CLEC2B: variants seen among roughly 807,000 people sequenced by gnomAD.
The protein encoded by CLEC2B is C-type lectin domain family 2 member B.
A neutral mutation model predicts 16.2 loss-of-function variants in CLEC2B; 14 were observed. The ratio of observed to expected loss-of-function variants is 0.86; its 90% CI spans 0.57 to 1.35. CLEC2B has a LOEUF of 1.35. Among genes scored for constraint, CLEC2B ranks in the 40% most tolerant of loss-of-function variants. The pLI, the probability that CLEC2B is intolerant of heterozygous loss-of-function variation, is 0.00. For synonymous variants in CLEC2B, 42 were observed against 55.8 expected (o/e 0.75, Z 1.10); for missense variants, 166 against 182.3 (o/e 0.91, Z 0.52).
chr12:9,854,521 C>A, intron 3 of CLEC2B, 37 bp from the exon 4 acceptor site: 1 of 1,362,156 alleles, frequency 7.3e-7, no homozygotes, highest in Non-Finnish European at 1.1e-6. Context: ...TCATACATGC[C>A]AATTTTTATG....
At chr12:9,866,049 A>G (rs1438481317) in intron 1 of CLEC2B, among the ~76,000 whole-genome samples, 1 of 152,106 alleles carries the variant, frequency 6.6e-6, no homozygotes, top group African/African-American at 2.4e-5. Flanking sequence ...AAAAAAAGGT[A>G]AAAAGACTTC....
At chr12:9,865,150 T>C (rs1372076428) in intron 1 of CLEC2B, among the ~76,000 whole-genome samples, 32 of 127,266 alleles carry the variant, frequency 2.5e-4, no homozygotes, top group Admixed American at 9.4e-4. Context: ...GCCACTCCAC[T>C]CCAGCCTGGG....
At chr12:9,863,085 C>A (rs1867945472) in intron 1 of CLEC2B, among the ~76,000 whole-genome samples, 1 of 152,170 alleles carries the variant, frequency 6.6e-6, no homozygotes, top group South Asian at 2.1e-4. Flanking sequence ...GGCTGTCGAG[C>A]AGCATCATGG....
chr12:9,859,332 G>A (rs1164903039), intron 2 of CLEC2B, among the ~76,000 whole-genome samples: 1 of 151,846 alleles, frequency 6.6e-6, no homozygotes, highest in Non-Finnish European at 1.5e-5. Flanking sequence ...TAGAAGAAAA[G>A]TTTAAAGTCA....
At chr12:9,863,269 G>A (rs1867946976) in intron 1 of CLEC2B, among the ~76,000 whole-genome samples, 2 of 151,896 alleles carry the variant, frequency 1.3e-5, no homozygotes, top group Non-Finnish European at 2.9e-5. Flanking sequence ...CAAGGAGGCC[G>A]AAACCTAGCT....
In CLEC2B at chr12:9,862,494, C is replaced by T; in HGVS notation, c.73+5G>A. Reference sequence around the variant, plus strand: ...ATGAAAAATAAAATGAAGGATGTAACTTACCTATCAGAGTAATAATATTAG... The same window carrying T: ...ATGAAAAATAAAATGAAGGATGTAATTTACCTATCAGAGTAATAATATTAG... On this transcript the variant is annotated splice_donor_5th_base_variant and intron_variant, in intron 2 of 4. Transcript: ENST00000228438. 6.9e-7 allele frequency: 1 copy of T among 1,448,594 alleles called. No individual in the cohort carries two copies. The highest frequency in any genetic ancestry group is 9.3e-7 in the Non-Finnish European group (1 of 1,077,906). The allele number at this position is 1,448,594 out of a possible 1,614,324, so 89.7% of individuals were successfully genotyped here.
Position 9,853,261 on chromosome 12 carries a change from A to G in CLEC2B, c.*39T>C. 6 of 1,452,938 alleles carry G rather than the reference A, an allele frequency of 4.1e-6. No individual in the cohort carries two copies. Among genetic ancestry groups the G allele is most frequent in the East Asian group, 2.3e-5 (1 of 44,032 alleles). 90.0% of individuals were successfully genotyped at this position (1,452,938 alleles called of 1,614,324 possible). On this transcript the variant is annotated 3_prime_UTR_variant, in exon 5 of 5. Transcript: ENST00000228438. ...TACTTTGCTGGTTTTACACTTAATA[A>G]TGTTATTTTCTATTTTCCCCATTAT...
rs777722637 is a variant in CLEC2B, at chr12:9,853,279, C to A, written c.*21G>T. ...CTTAATAATGTTATTTTCTATTTTC[C>A]CCATTATCTTAGACATTAACTTAGT... On this transcript the variant is annotated 3_prime_UTR_variant, in exon 5 of 5. Transcript: ENST00000228438. 3.3e-6 allele frequency: 5 copies of A among 1,501,542 alleles called. No homozygotes were observed. Among genetic ancestry groups the A allele is most frequent in the Non-Finnish European group, 3.7e-6 (4 of 1,078,598 alleles). The allele number at this position is 1,501,542 out of a possible 1,614,324, so 93.0% of individuals were successfully genotyped here.
intron 3 of CLEC2B, among the ~76,000 whole-genome samples, chr12:9,855,263 T>C (rs1217459073): frequency 6.6e-6 from 1 of 152,094 alleles, no homozygotes; most frequent in Non-Finnish European, 1.5e-5. Context: ...AAATCCTATC[T>C]ACCCCAACAG....
rs756931549 is a variant in CLEC2B at position 9,862,532 on chromosome 12, C to T, written c.40G>A (p.Val14Ile). 6.8e-7 allele frequency: 1 copy of T among 1,464,840 alleles called. No individual in the cohort carries two copies. The highest frequency in any genetic ancestry group is 9.2e-7 in the Non-Finnish European group (1 of 1,086,750). The allele number at this position is 1,464,840 out of a possible 1,614,324, so 90.7% of individuals were successfully genotyped here. A position where few individuals can be genotyped will look rare whatever the true frequency, so the allele number is the denominator to read the frequency against. The change falls in exon 2 of 5, where the codon GTT becomes ATT. Residue 14 changes from valine (V) to isoleucine (I), a missense_variant. Coordinates refer to ENST00000228438, the MANE Select transcript of CLEC2B (RefSeq NM_005127.3). ...KHKKCFIIVG[V>I]LITTNIITLI... is the part of the protein sequence containing the mutation. ...GTAATAATATTAGTTGTTATTAAAACACCAACAATTATAAAACACTTTTTA... is the reference window on the plus strand; with the variant it reads ...GTAATAATATTAGTTGTTATTAAAATACCAACAATTATAAAACACTTTTTA...
chr12:9,862,799 C>T (rs1335502101), intron 1 of CLEC2B, among the ~76,000 whole-genome samples: 1 of 150,584 alleles, frequency 6.6e-6, no homozygotes, highest in Non-Finnish European at 1.5e-5. Context: ...GAGAATTAGA[C>T]TTCCATATCC....
chr12:9,854,317 G>C, intron 4 of CLEC2B, 64 bp downstream of exon 4: 18 of 1,056,852 alleles, frequency 1.7e-5, no homozygotes, highest in Non-Finnish European at 2.4e-5. Flanking sequence ...TTTAGCTAAA[G>C]CATAAGTCCT....
intron 1 of CLEC2B, among the ~76,000 whole-genome samples, chr12:9,868,659 A>G (rs988590943): frequency 2.6e-5 from 4 of 152,076 alleles, no homozygotes; most frequent in Non-Finnish European, 5.9e-5. Flanking sequence ...AGGTTGTTTC[A>G]TAGTGTATTT....
chr12:9,863,759 A>T (rs1436694204), intron 1 of CLEC2B, among the ~76,000 whole-genome samples: 1 of 152,124 alleles, frequency 6.6e-6, no homozygotes, highest in Non-Finnish European at 1.5e-5. Context: ...AGGAAAGGAG[A>T]AAAAAAGAAT....
chr12:9,854,361 C>G lies in CLEC2B; in HGVS notation c.341+20G>C. 2 of 1,544,594 alleles carry G rather than the reference C, an allele frequency of 1.3e-6. No homozygotes were observed. The highest frequency in any genetic ancestry group is 1.8e-6 in the Non-Finnish European group (2 of 1,119,876). On this transcript the variant is annotated intron_variant, in intron 4 of 4. Coordinates refer to ENST00000228438, the MANE Select transcript of CLEC2B (RefSeq NM_005127.3). ...CTGCACTATCTAAATTTAAGTGATC[C>G]CAGAAAAAAATAAACTCACGATTTG...
intron 3 of CLEC2B, among the ~76,000 whole-genome samples, chr12:9,855,926 C>T (rs757432953): frequency 6.6e-6 from 1 of 151,942 alleles, no homozygotes; most frequent in Non-Finnish European, 1.5e-5. Flanking sequence ...TTCTCCACTC[C>T]ACAGACAGCT....
intron 2 of CLEC2B, among the ~76,000 whole-genome samples, chr12:9,859,553 T>A (rs748574571): frequency 3.0e-4 from 46 of 151,894 alleles, no homozygotes; most frequent in Non-Finnish European, 6.0e-4. Context: ...ATTAAATCTT[T>A]AACTTAAAAA....
Position 9,857,544 on chromosome 12 carries a change from C to T in CLEC2B, c.167G>A (p.Trp56Ter). 6.2e-7 allele frequency: 1 copy of T among 1,611,004 alleles called. No individual in the cohort carries two copies. Among genetic ancestry groups the T allele is most frequent in the Non-Finnish European group, 8.5e-7 (1 of 1,177,744 alleles). ...GGAACAGTTGTATTTACTTGAATTC[C>T]AATCTCCTTCTTCTTTAGAGAAATA... ...CYYFSKEEGD[W>*]NSSKYNCSTQ... The change falls in exon 3 of 5, where the codon TGG becomes TAG. Residue 56 changes from tryptophan (W) to a stop codon, truncating the protein, a stop_gained. Coordinates refer to ENST00000228438, the MANE Select transcript of CLEC2B (RefSeq NM_005127.3). LOFTEE classifies it high-confidence loss of function.
intron 3 of CLEC2B, among the ~76,000 whole-genome samples, chr12:9,855,917 T>A (rs1254504618): frequency 6.6e-6 from 1 of 152,094 alleles, no homozygotes; most frequent in Non-Finnish European, 1.5e-5. Flanking sequence ...GTAAATTTCT[T>A]CTCCACTCCA....
Sources: allele counts gnomAD v4.1 joint callset (sites outside exome capture counted in the v4.1 genomes callset), GRCh38; gene constraint gnomAD v4.1.1; transcripts MANE v1.5; gene names NCBI Gene and HGNC (gene_info 2026-07-23, HGNC 2026-07-21).